The following DPY30 variants were observed in gnomAD, a reference collection of about 807,000 sequenced individuals.
DPY30 encodes protein dpy-30 homolog.
DPY30 carries 6 observed loss-of-function variants against 16.2 expected under a neutral mutation model. That is an observed-to-expected ratio of 0.37 (90% confidence interval 0.20 to 0.73). The LOEUF (loss-of-function observed/expected upper bound fraction) is 0.73, where lower values mean the gene tolerates loss of function less well. Ranked by LOEUF, DPY30 falls within the 30% of genes least tolerant of loss-of-function variation. DPY30 has a pLI of 0.51. For missense variants in DPY30, 73 were observed against 113.1 expected (o/e 0.65, Z 1.61); for synonymous variants, 39 against 38.8 (o/e 1.00, Z -0.02).
At chr2:32,029,526 G>A (rs1301486151) in intron 4 of DPY30, 68 bp downstream of exon 4, 9 of 1,573,042 alleles carry the variant, frequency 5.7e-6, no homozygotes, top group Admixed American at 5.2e-5. Flanking sequence ...ACATAACTAT[G>A]ATATTTCAGA....
chr2:32,023,879 A>G (rs1195713218), downstream of DPY30: 15 of 1,323,660 alleles, frequency 1.1e-5, no homozygotes, highest in Non-Finnish European at 1.5e-5. Flanking sequence ...TATTTGTCAT[A>G]CAGAACAAAA....
chr2:32,033,543 A>G (rs889223572), intron 3 of DPY30, among the ~76,000 whole-genome samples: 1 of 149,688 alleles, frequency 6.7e-6, no homozygotes, highest in African/African-American at 2.5e-5. Context: ...GTGGTGGCAC[A>G]TGCCTGTAAT....
intron 3 of DPY30, among the ~76,000 whole-genome samples, chr2:32,036,112 G>A (rs1018708729): frequency 1.3e-5 from 2 of 150,856 alleles, no homozygotes; most frequent in African/African-American, 4.9e-5. Flanking sequence ...AGTCTCCTGA[G>A]TAGCTGGTAC....
At chr2:32,015,730 C>G (rs543881867) in intron 5 of DPY30, among the ~76,000 whole-genome samples, 1 of 151,860 alleles carries the variant, frequency 6.6e-6, no homozygotes, top group African/African-American at 2.4e-5. Flanking sequence ...GTACCGCGCC[C>G]TGTAGTACCA....
intron 3 of DPY30, among the ~76,000 whole-genome samples, chr2:32,031,250 T>A (rs1391314202): frequency 2.6e-5 from 4 of 151,522 alleles, no homozygotes; most frequent in African/African-American, 9.7e-5. Flanking sequence ...CAAAACCCCG[T>A]CTCTACTAAT....
intron 3 of DPY30, among the ~76,000 whole-genome samples, chr2:32,034,435 G>A (rs1675661077): frequency 6.6e-6 from 1 of 152,088 alleles, no homozygotes; most frequent in South Asian, 2.1e-4. Context: ...AAAGGAGTAG[G>A]TGCCAGACTC....
intron 5 of DPY30, among the ~76,000 whole-genome samples, chr2:32,013,684 C>T (rs1377640823): frequency 2.6e-5 from 4 of 152,184 alleles, no homozygotes; most frequent in African/African-American, 9.6e-5. Flanking sequence ...CTTTTATTAA[C>T]AGACAATCCT....
At chr2:32,013,738 G>A (rs929324720) in intron 5 of DPY30, among the ~76,000 whole-genome samples, 9 of 152,192 alleles carry the variant, frequency 5.9e-5, no homozygotes, top group Admixed American at 3.9e-4. Flanking sequence ...GGCCGGGCGC[G>A]GTGGCTCCTG....
downstream of DPY30, among the ~76,000 whole-genome samples, chr2:32,022,205 G>A (rs1192123605): frequency 4.4e-5 from 6 of 137,716 alleles, no homozygotes; most frequent in South Asian, 1.2e-3. Context: ...GCGAGACCTT[G>A]TCTCAAAAAA....
intron 3 of DPY30, among the ~76,000 whole-genome samples, chr2:32,030,794 G>A (rs996926913): frequency 6.6e-6 from 1 of 151,852 alleles, no homozygotes; most frequent in Non-Finnish European, 1.5e-5. Context: ...GCAAGGCCCT[G>A]TCTCTAAATA....
At chr2:32,024,710 A>G (rs1032536622) in intron 4 of DPY30, among the ~76,000 whole-genome samples, 3 of 152,222 alleles carry the variant, frequency 2.0e-5, no homozygotes, top group African/African-American at 7.2e-5. Flanking sequence ...TAAAAGAACA[A>G]AAATAATATA....
In DPY30 at chr2:32,027,212, C is replaced by A. The variant is rs375155051; in HGVS notation, c.227+2382G>T. ...AATCATTTGAACTGGGAGTCAGAGA[C>A]TGCAGTGACCTGAGACTGTGCCACT... On this transcript the variant is annotated intron_variant, in intron 4 of 4. Transcript: ENST00000342166. 1.7e-4 allele frequency among the ~76,000 whole-genome samples: 25 copies of A among 147,922 alleles called. No individual in the cohort carries two copies. The South Asian group carries it at 4.7e-3, about 28-fold the overall frequency.
chr2:32,025,002 A>G (rs936865966), intron 4 of DPY30, among the ~76,000 whole-genome samples: 13 of 152,214 alleles, frequency 8.5e-5, no homozygotes, highest in Admixed American at 8.5e-4. Context: ...GGAGACATCT[A>G]TTTTAAACTC....
intron 3 of DPY30, among the ~76,000 whole-genome samples, chr2:32,037,090 G>T (rs1219640021): frequency 2.6e-5 from 4 of 152,114 alleles, no homozygotes. Context: ...GCAAAATAAT[G>T]ACTTTTTCAG....
At chr2:32,037,374 G>GTT in intron 3 of DPY30, among the ~76,000 whole-genome samples, 1 of 152,112 alleles carries the variant, frequency 6.6e-6, no homozygotes, top group East Asian at 1.9e-4. Flanking sequence ...GTGCAATTAG[G>GTT]GCTCACTGCA....
intron 3 of DPY30, among the ~76,000 whole-genome samples, chr2:32,037,458 G>A (rs567263140): frequency 1.4e-4 from 21 of 151,860 alleles, no homozygotes; most frequent in Non-Finnish European, 2.1e-4. Context: ...GGCACGTACC[G>A]TCACACCCAG....
rs1001219931 is a variant in DPY30 at position 32,035,592 on chromosome 2, A to T, written c.84+3687T>A. ...CAACAGAGCAAGATTTCATCTTATT[A>T]AAAAAAAAAAAACATTTATAATATA... is the stretch of plus-strand genomic sequence containing the variant. On this transcript the variant is annotated intron_variant, in intron 3 of 4. Coordinates refer to ENST00000342166, the MANE Select transcript of DPY30 (RefSeq NM_001321209.2). Among the ~76,000 whole-genome samples, 4 of 141,018 alleles carry T rather than the reference A, an allele frequency of 2.8e-5. No homozygotes were observed. In the Admixed American group the frequency reaches 2.9e-4, roughly 10 times the overall value. 92.5% of individuals were successfully genotyped at this position (141,018 alleles called of 152,430 possible). A position where few individuals can be genotyped will look rare whatever the true frequency, so the allele number is the denominator to read the frequency against.
chr2:32,026,576 A>C (rs1675339132), intron 4 of DPY30, among the ~76,000 whole-genome samples: 1 of 152,214 alleles, frequency 6.6e-6, no homozygotes, highest in African/African-American at 2.4e-5. Context: ...AGATCACCTG[A>C]AATCAGGAGT....
chr2:32,024,348 A>C (rs1286947182), intron 4 of DPY30, 92 bp from the exon 5 acceptor site: 1 of 948,982 alleles, frequency 1.1e-6, no homozygotes, highest in Non-Finnish European at 1.6e-6. Context: ...TCATCTTTTT[A>C]AGTTTAATTT....
Sources: allele counts gnomAD v4.1 joint callset (sites outside exome capture counted in the v4.1 genomes callset), GRCh38; gene constraint gnomAD v4.1.1; transcripts MANE v1.5; gene names NCBI Gene and HGNC (gene_info 2026-07-23, HGNC 2026-07-21).